Variants in MYCT1 observed in about 807,000 individuals in gnomAD.
The protein encoded by MYCT1 is myc target protein 1.
A neutral mutation model predicts 15.0 loss-of-function variants in MYCT1; 12 were observed. That is an observed-to-expected ratio of 0.80 (90% CI 0.51 to 1.29). The LOEUF (loss-of-function observed/expected upper bound fraction) is 1.29, where lower values mean the gene tolerates loss of function less well. MYCT1 is among the 50% of genes most tolerant of loss of function. The pLI is 0.00. For missense variants in MYCT1, 287 were observed against 279.1 expected, an observed-to-expected ratio of 1.03 and a Z score of -0.20; for synonymous variants, 104 against 102.7, an observed-to-expected ratio of 1.01 and a Z score of -0.07.
At chr6:152,705,113 C>T (rs948640571) in intron 1 of MYCT1, among the ~76,000 whole-genome samples, 4 of 152,066 alleles carry the variant, frequency 2.6e-5, no homozygotes, top group South Asian at 2.1e-4. Flanking sequence ...CGTCCATTTA[C>T]GATGGGGTTA....
rs1435736692 is a variant in MYCT1 at position 152,723,463 on chromosome 6, A to T, written c.*1210A>T. ...GGGATCTTCTTTTGTAACTTTGCAGACAAATAAGTATGAGTCACTGGGGAG... is the reference window on the plus strand; with the variant it reads ...GGGATCTTCTTTTGTAACTTTGCAGTCAAATAAGTATGAGTCACTGGGGAG... On this transcript the variant is annotated 3_prime_UTR_variant, in exon 2 of 2. Coordinates refer to ENST00000367245, the MANE Select transcript of MYCT1 (RefSeq NM_025107.3). 6.6e-6 allele frequency: 1 copy of T among 152,222 alleles called. No homozygotes were observed. The highest frequency in any genetic ancestry group is 1.5e-5 in the Non-Finnish European group (1 of 68,046). The allele number at this position is 152,222 out of a possible 1,614,324, so 9.4% of individuals were successfully genotyped here.
intron 1 of MYCT1, among the ~76,000 whole-genome samples, chr6:152,705,498 A>G (rs1050552526): frequency 6.6e-6 from 1 of 152,002 alleles, no homozygotes; most frequent in Admixed American, 6.6e-5. Context: ...TTCACTTAGC[A>G]TAATGTCCTC....
intron 1 of MYCT1, among the ~76,000 whole-genome samples, chr6:152,703,531 T>A (rs2099721689): frequency 6.6e-6 from 1 of 152,180 alleles, no homozygotes; most frequent in African/African-American, 2.4e-5. Context: ...CAAAGTAAAC[T>A]AAAGGCATCA....
intron 1 of MYCT1, among the ~76,000 whole-genome samples, chr6:152,706,340 AT>A (rs1228592719): frequency 6.6e-6 from 1 of 152,156 alleles, no homozygotes; most frequent in Non-Finnish European, 1.5e-5. Context: ...CAGATAATTT[AT>A]TTTGTATTTT....
downstream of MYCT1, among the ~76,000 whole-genome samples, chr6:152,725,055 G>T (rs765794298): frequency 3.3e-5 from 5 of 151,774 alleles, no homozygotes; most frequent in African/African-American, 7.3e-5. Context: ...AATAGGAAAG[G>T]GGTACTTTTT....
At chr6:152,714,643 A>G in intron 1 of MYCT1, among the ~76,000 whole-genome samples, 1 of 151,494 alleles carries the variant, frequency 6.6e-6, no homozygotes, top group East Asian at 1.9e-4. Flanking sequence ...AATTTTTTAA[A>G]CACATTAATC....
At chr6:152,740,518 G>T in the MYCT1 span, among the ~76,000 whole-genome samples, 1 of 152,102 alleles carries the variant, frequency 6.6e-6, no homozygotes, top group East Asian at 1.9e-4. Flanking sequence ...TACAAAAATA[G>T]AAATATAAAC....
At chr6:152,731,107 C>A in the MYCT1 span, among the ~76,000 whole-genome samples, 1 of 151,942 alleles carries the variant, frequency 6.6e-6, no homozygotes, top group East Asian at 1.9e-4. Flanking sequence ...CAGAAGACAT[C>A]TTTTCAATCA....
chr6:152,735,935 T>C, the MYCT1 span, among the ~76,000 whole-genome samples: 4 of 152,158 alleles, frequency 2.6e-5, no homozygotes, highest in Admixed American at 2.0e-4. Context: ...ATTCCATCTT[T>C]TATTTCTTTC....
chr6:152,705,414 C>CA (rs1451793950), intron 1 of MYCT1, among the ~76,000 whole-genome samples: 10 of 152,028 alleles, frequency 6.6e-5, no homozygotes, highest in Non-Finnish European at 1.2e-4. Context: ...CCATCGTAGC[C>CA]AAAAAATCCC....
the MYCT1 span, among the ~76,000 whole-genome samples, chr6:152,745,374 G>C: frequency 6.6e-6 from 1 of 152,128 alleles, no homozygotes; most frequent in Non-Finnish European, 1.5e-5. Flanking sequence ...GAAGCAGGAG[G>C]ATCACTTGAG....
intron 1 of MYCT1, among the ~76,000 whole-genome samples, chr6:152,714,458 G>A (rs765773346): frequency 6.6e-6 from 1 of 151,074 alleles, no homozygotes; most frequent in Non-Finnish European, 1.5e-5. Flanking sequence ...ATTTTAAAAT[G>A]TATACCTATA....
chr6:152,722,906 A>AT lies in MYCT1; in HGVS notation c.*662dup, dbSNP rs892920090. 7 of 171,996 alleles carry AT rather than the reference A, an allele frequency of 4.1e-5. No individual in the cohort carries two copies. The highest frequency in any genetic ancestry group is 2.3e-4 in the South Asian group (2 of 8,834). The allele number at this position is 171,996 out of a possible 1,614,324, so 10.7% of individuals were successfully genotyped here. On this transcript the variant is annotated 3_prime_UTR_variant, in exon 2 of 2. Transcript: ENST00000367245. ...GGGGTGCACTACCACACCGGGTTGA[A>AT]TTTTTTTTTAATTTTAGTAGAGATG...
intron 1 of MYCT1, among the ~76,000 whole-genome samples, chr6:152,708,622 A>G (rs1363059759): frequency 1.3e-5 from 2 of 152,042 alleles, no homozygotes; most frequent in Admixed American, 6.6e-5. Context: ...TAAACTATAC[A>G]TTTCATATGA....
downstream of MYCT1, among the ~76,000 whole-genome samples, chr6:152,728,628 G>A (rs1172465545): frequency 1.3e-5 from 2 of 152,152 alleles, no homozygotes; most frequent in African/African-American, 4.8e-5. Flanking sequence ...GGGCGTGGTG[G>A]CTCATGCCTG....
At position 152,722,337 on chromosome 6, in the gene MYCT1, G is replaced by A; in HGVS notation, c.*84G>A. On this transcript the variant is annotated 3_prime_UTR_variant, in exon 2 of 2. Coordinates refer to ENST00000367245, the MANE Select transcript of MYCT1 (RefSeq NM_025107.3). Reference sequence around the variant, plus strand: ...AAAAATAGGCTAAACAGAATTTTGAGGGCATGGCCCAAATAACTCATGAGT... The same window carrying A: ...AAAAATAGGCTAAACAGAATTTTGAAGGCATGGCCCAAATAACTCATGAGT... 7.2e-7 allele frequency: 1 copy of A among 1,387,860 alleles called. No individual in the cohort carries two copies. The highest frequency in any genetic ancestry group is 2.2e-4 in the Middle Eastern group (1 of 4,604). 86.0% of individuals were successfully genotyped at this position (1,387,860 alleles called of 1,614,324 possible).
intron 1 of MYCT1, among the ~76,000 whole-genome samples, chr6:152,716,635 C>T (rs1245906272): frequency 1.3e-5 from 2 of 151,892 alleles, no homozygotes; most frequent in Non-Finnish European, 2.9e-5. Flanking sequence ...TATTATCAGG[C>T]CAAGAAGGGT....
chr6:152,743,074 T>G, the MYCT1 span, among the ~76,000 whole-genome samples: 1 of 151,808 alleles, frequency 6.6e-6, no homozygotes. Context: ...TGTTGTTGTT[T>G]TGACAGAATC....
At chr6:152,730,932 C>A in the MYCT1 span, among the ~76,000 whole-genome samples, 1 of 152,232 alleles carries the variant, frequency 6.6e-6, no homozygotes, top group African/African-American at 2.4e-5. Flanking sequence ...TAGATGATCT[C>A]TTTTGGGAAA....
Sources: allele counts gnomAD v4.1 joint callset (sites outside exome capture counted in the v4.1 genomes callset), GRCh38; gene constraint gnomAD v4.1.1; transcripts MANE v1.5; gene names NCBI Gene and HGNC (gene_info 2026-07-23, HGNC 2026-07-21).